The following PDE1C variants were observed in gnomAD, a reference collection of about 807,000 sequenced individuals.
PDE1C encodes the protein dual specificity calcium/calmodulin-dependent 3',5'-cyclic nucleotide phosphodiesterase 1C.
In PDE1C, 62 loss-of-function variants were observed where a neutral mutation model predicts 93.1. The ratio of observed to expected loss-of-function variants is 0.67; its 90% CI spans 0.54 to 0.82. PDE1C has a LOEUF of 0.82. Among genes scored for constraint, PDE1C ranks in the 40% least tolerant of loss-of-function variants. PDE1C has a pLI of 0.00. For synonymous variants in PDE1C, 325 were observed against 310.1 expected (o/e 1.05, Z -0.50); for missense variants, 742 against 884.6 (o/e 0.84, Z 2.04).
chr7:32,310,307 C>T (rs1259126401), intron 1 of PDE1C, among the ~76,000 whole-genome samples: 2 of 152,162 alleles, frequency 1.3e-5, no homozygotes, highest in Admixed American at 6.5e-5. Flanking sequence ...TAATGGGAGA[C>T]TTTAACACCC....
intron 1 of PDE1C, among the ~76,000 whole-genome samples, chr7:32,253,952 G>C (rs1424125455): frequency 3.3e-5 from 5 of 152,170 alleles, no homozygotes; most frequent in African/African-American, 1.2e-4. Context: ...ATCCTAGGGA[G>C]AGGGATCAGC....
chr7:31,988,436 C>A (rs947324125), intron 2 of PDE1C, among the ~76,000 whole-genome samples: 7 of 152,236 alleles, frequency 4.6e-5, no homozygotes, highest in Admixed American at 6.5e-5. Flanking sequence ...ACCTTACCTG[C>A]CTCCTCTATT....
chr7:32,206,636 G>C (rs1482614053), intron 2 of PDE1C, among the ~76,000 whole-genome samples: 1 of 152,158 alleles, frequency 6.6e-6, no homozygotes, highest in African/African-American at 2.4e-5. Context: ...TTGTGGCTAC[G>C]ATGCGGTACC....
intron 2 of PDE1C, among the ~76,000 whole-genome samples, chr7:31,981,135 A>G (rs1312523120): frequency 6.6e-6 from 1 of 152,180 alleles, no homozygotes; most frequent in East Asian, 1.9e-4. Flanking sequence ...ACCCATCAAG[A>G]ATATTTAAGT....
chr7:31,959,148 AT>A (rs1295586969), intron 2 of PDE1C, among the ~76,000 whole-genome samples: 4 of 152,226 alleles, frequency 2.6e-5, no homozygotes, highest in African/African-American at 9.6e-5. Flanking sequence ...TTACAAAAAA[AT>A]ATAATTCATT....
chr7:31,792,926 T>G (rs1784747744), intron 16 of PDE1C, among the ~76,000 whole-genome samples: 1 of 152,056 alleles, frequency 6.6e-6, no homozygotes, highest in Non-Finnish European at 1.5e-5. Flanking sequence ...TTGGAATAAT[T>G]CAGGAAACTA....
intron 1 of PDE1C, among the ~76,000 whole-genome samples, chr7:32,337,708 G>A (rs1158856081): frequency 7.5e-6 from 1 of 132,698 alleles, no homozygotes; most frequent in Non-Finnish European, 1.7e-5. Flanking sequence ...TTACAAAGAG[G>A]AGAGGAGAAA....
chr7:31,976,298 T>C (rs1039340138), intron 2 of PDE1C, among the ~76,000 whole-genome samples: 17 of 152,192 alleles, frequency 1.1e-4, no homozygotes, highest in Admixed American at 5.9e-4. Flanking sequence ...ACAAATGATA[T>C]ATGAAAGGAT....
intron 1 of PDE1C, among the ~76,000 whole-genome samples, chr7:32,286,466 A>G (rs1422385466): frequency 1.3e-5 from 2 of 152,242 alleles, no homozygotes; most frequent in Non-Finnish European, 2.9e-5. Flanking sequence ...CTACAAAGAA[A>G]ATAGTAGTAT....
intron 2 of PDE1C, among the ~76,000 whole-genome samples, chr7:31,926,871 T>G (rs1803458094): frequency 6.6e-6 from 1 of 152,178 alleles, no homozygotes; most frequent in Non-Finnish European, 1.5e-5. Flanking sequence ...TGTGGTCATT[T>G]GGGCAGACAC....
At chr7:31,936,388 C>A (rs1805075765) in intron 2 of PDE1C, among the ~76,000 whole-genome samples, 1 of 150,668 alleles carries the variant, frequency 6.6e-6, no homozygotes, top group South Asian at 2.1e-4. Flanking sequence ...TATGCCCTTA[C>A]AACACACACC....
At chr7:32,248,575 A>G (rs757780489) in intron 1 of PDE1C, among the ~76,000 whole-genome samples, 2 of 152,246 alleles carry the variant, frequency 1.3e-5, no homozygotes, top group Non-Finnish European at 1.5e-5. Context: ...CAAGGGGGAC[A>G]CAGACTGACA....
chr7:32,111,388 C>T (rs1376547436), intron 3 of PDE1C, among the ~76,000 whole-genome samples: 1 of 152,110 alleles, frequency 6.6e-6, no homozygotes, highest in African/African-American at 2.4e-5. Flanking sequence ...TTTAAAGACA[C>T]AAAATTGTGT....
intron 16 of PDE1C, among the ~76,000 whole-genome samples, chr7:31,797,795 T>C (rs1259684354): frequency 6.6e-6 from 1 of 151,650 alleles, no homozygotes; most frequent in Non-Finnish European, 1.5e-5. Context: ...TCGTCAAGAT[T>C]AAGGCCCAGA....
chr7:31,781,427 T>G (rs1783403745), intron 16 of PDE1C, among the ~76,000 whole-genome samples: 1 of 140,112 alleles, frequency 7.1e-6, no homozygotes, highest in Non-Finnish European at 1.6e-5. Context: ...TTGGCCATTT[T>G]CAATTTCTCT....
chr7:32,083,918 C>T (rs942106328), intron 3 of PDE1C, among the ~76,000 whole-genome samples: 22 of 151,666 alleles, frequency 1.5e-4, no homozygotes, highest in African/African-American at 2.4e-4. Flanking sequence ...TAAAGACCAT[C>T]GAGACTAGGA....
intron 1 of PDE1C, among the ~76,000 whole-genome samples, chr7:32,400,789 G>A (rs527763272): frequency 3.3e-5 from 5 of 152,298 alleles, no homozygotes; most frequent in African/African-American, 7.2e-5. Context: ...GTGACACACC[G>A]TTAGATGGTA....
At chr7:31,854,214 C>T (rs1004093139) in intron 7 of PDE1C, among the ~76,000 whole-genome samples, 62 of 152,086 alleles carry the variant, frequency 4.1e-4, no homozygotes, top group African/African-American at 1.4e-3. Context: ...TAATAAACCC[C>T]TCAGGTGATA....
At chr7:32,029,650 T>A (rs1431644796) in intron 2 of PDE1C, among the ~76,000 whole-genome samples, 2 of 152,026 alleles carry the variant, frequency 1.3e-5, no homozygotes, top group African/African-American at 2.4e-5. Context: ...AGAAATTACC[T>A]CAAGGCATCG....
Sources: gnomAD v4.1 joint callset for allele counts (sites outside exome capture counted in the v4.1 genomes callset) on GRCh38, gnomAD v4.1.1 for gene constraint, MANE v1.5 for transcripts, NCBI Gene and HGNC (gene_info 2026-07-23, HGNC 2026-07-21) for gene names.